SPTY2D1: variants seen among roughly 807,000 people sequenced by gnomAD.
SPTY2D1 encodes protein SPT2 homolog.
A neutral mutation model predicts 64.0 loss-of-function variants in SPTY2D1; 21 were observed. The observed-to-expected ratio is 0.33, with a 90% CI of 0.23 to 0.47. The LOEUF is 0.47. SPTY2D1 is among the 20% of genes least tolerant of loss of function. SPTY2D1 has a pLI of 1.00. For missense variants in SPTY2D1, 724 were observed against 837.2 expected (o/e 0.86, Z 1.67); for synonymous variants, 287 against 286.8 (o/e 1.00, Z -0.01).
Position 18,615,646 on chromosome 11 carries a change from G to T in SPTY2D1, c.628C>A (p.Arg210=). 1.2e-6 allele frequency: 2 copies of T among 1,614,154 alleles called. No individual in the cohort carries two copies. Among genetic ancestry groups the T allele is most frequent in the East Asian group, 2.2e-5 (1 of 44,882 alleles). The part of the protein sequence containing the change: ...EELREREFLE[R]KHRRKKLETD... ...TCAAGTTTTTTTCTCCTATGCTTTCGTTCAAGGAATTCTCGCTCCCTAAGT... is the reference window on the plus strand; with the variant it reads ...TCAAGTTTTTTTCTCCTATGCTTTCTTTCAAGGAATTCTCGCTCCCTAAGT... The change falls in exon 3 of 6, where the codon CGA becomes AGA. Residue 210 remains arginine (R), a synonymous_variant. Coordinates refer to ENST00000336349, the MANE Select transcript of SPTY2D1 (RefSeq NM_194285.3).
chr11:18,634,200 G>A lies in SPTY2D1; in HGVS notation c.58C>T (p.Pro20Ser). Residue 20 changes from proline (P) to serine (S), a missense_variant and splice_region_variant, in exon 1 of 6, where the codon CCG becomes TCG. Transcript: ENST00000336349. The stretch of plus-strand genomic sequence containing the variant: ...TTGATGCCCCAGCTGCTACTTACCG[G>A]CACATTGTTGACACCTTGTCCCTTG... Reference protein sequence around the residue: ...ASKGQGVNNVPKRYSLAVGPP... With the variant: ...ASKGQGVNNVSKRYSLAVGPP... 6.2e-7 allele frequency: 1 copy of A among 1,614,170 alleles called. No homozygotes were observed. Among genetic ancestry groups the A allele is most frequent in the Non-Finnish European group, 8.5e-7 (1 of 1,180,020 alleles).
chr11:18,624,091 G>A (rs1196784453), intron 1 of SPTY2D1, among the ~76,000 whole-genome samples: 1 of 151,860 alleles, frequency 6.6e-6, no homozygotes, highest in Non-Finnish European at 1.5e-5. Flanking sequence ...GAGCAGGCAA[G>A]ACCTTTCAAA....
Position 18,614,755 on chromosome 11 carries a change from T to C in SPTY2D1, c.1519A>G (p.Ser507Gly), listed in dbSNP as rs1854262056. The change falls in exon 3 of 6, where the codon AGT (serine) becomes GGT (glycine). Residue 507 changes from serine to glycine, a missense_variant. Coordinates refer to ENST00000336349, the MANE Select transcript of SPTY2D1 (RefSeq NM_194285.3). ...SGSIPAGRTVSNSVPGRPVSS... is the reference protein window; with the variant it reads ...SGSIPAGRTVGNSVPGRPVSS... ...ACTGGTCTTCCTGGGACTGAATTAC[T>C]GACAGTCCGTCCAGCTGGAATTGAG... 1 of 1,613,440 alleles carries C rather than the reference T, an allele frequency of 6.2e-7. No individual in the cohort carries two copies. The highest frequency in any genetic ancestry group is 8.5e-7 in the Non-Finnish European group (1 of 1,179,398).
chr11:18,610,009 C>T, intron 5 of SPTY2D1, 55 bp from the exon 6 acceptor site: 2 of 1,501,418 alleles, frequency 1.3e-6, no homozygotes, highest in South Asian at 1.2e-5. Context: ...GACCACTTTC[C>T]TTAAAAAGAA....
At chr11:18,610,686 A>AAAAAAAAAAAAAAAAAAAAAAAC (rs1554987436) in intron 5 of SPTY2D1, among the ~76,000 whole-genome samples, 16 of 147,288 alleles carry the variant, frequency 1.1e-4, no homozygotes, top group African/African-American at 3.8e-4. Context: ...AAAAAAAAAA[A>AAAAAAAAAAAAAAAAAAAAAAAC]AACAACAATA....
intron 1 of SPTY2D1, 140 bp from the exon 2 acceptor site, chr11:18,617,129 C>T: frequency 1.6e-6 from 1 of 627,518 alleles, no homozygotes. Context: ...TCATATAACC[C>T]ATAATAAAGC....
At chr11:18,616,686 G>A (rs1435537657) in intron 2 of SPTY2D1, among the ~76,000 whole-genome samples, 189 bp downstream of exon 2, 4 of 151,748 alleles carry the variant, frequency 2.6e-5, no homozygotes, top group Non-Finnish European at 1.5e-5. Flanking sequence ...TTATACAAAT[G>A]ATCGAGGTAA....
intron 1 of SPTY2D1, among the ~76,000 whole-genome samples, chr11:18,628,773 C>T (rs1414900680): frequency 1.3e-5 from 2 of 152,146 alleles, no homozygotes; most frequent in Non-Finnish European, 1.5e-5. Flanking sequence ...CATTATAGAT[C>T]AAACATTACC....
At chr11:18,617,487 G>A (rs1194967752) in intron 1 of SPTY2D1, among the ~76,000 whole-genome samples, 3 of 151,544 alleles carry the variant, frequency 2.0e-5, no homozygotes, top group Admixed American at 6.6e-5. Context: ...TTAGCTGGGC[G>A]TAGTGGCGGG....
At chr11:18,632,293 C>T (rs970835066) in intron 1 of SPTY2D1, among the ~76,000 whole-genome samples, 1 of 151,880 alleles carries the variant, frequency 6.6e-6, no homozygotes, top group African/African-American at 2.4e-5. Context: ...GGCTTACTAG[C>T]TTTGGCGGGG....
intron 1 of SPTY2D1, among the ~76,000 whole-genome samples, chr11:18,621,462 A>G (rs1167125113): frequency 6.6e-6 from 1 of 152,216 alleles, no homozygotes; most frequent in Non-Finnish European, 1.5e-5. Context: ...TTTGAAAAGA[A>G]TAACAAAGGC....
intron 1 of SPTY2D1, among the ~76,000 whole-genome samples, chr11:18,627,230 T>TA (rs1854512136): frequency 7.8e-6 from 1 of 127,580 alleles, no homozygotes; most frequent in African/African-American, 3.1e-5. Context: ...CTGGCCAGCA[T>TA]GATGAAACCC....
chr11:18,633,929 C>A (rs1854627578), intron 1 of SPTY2D1, among the ~76,000 whole-genome samples: 2 of 152,220 alleles, frequency 1.3e-5, no homozygotes, highest in Admixed American at 1.3e-4. Context: ...GGCTTTCACG[C>A]AATTCTAGCT....
At chr11:18,631,981 A>G (rs1365826830) in intron 1 of SPTY2D1, among the ~76,000 whole-genome samples, 2 of 152,100 alleles carry the variant, frequency 1.3e-5, no homozygotes, top group African/African-American at 4.8e-5. Context: ...CCCTGTCTCT[A>G]CCAAAAATAC....
chr11:18,619,464 A>C (rs1854355801), intron 1 of SPTY2D1, among the ~76,000 whole-genome samples: 1 of 151,600 alleles, frequency 6.6e-6, no homozygotes. Flanking sequence ...TTTAAAAAAA[A>C]AAAAAAAAAA....
chr11:18,631,670 C>T (rs949663633), intron 1 of SPTY2D1, among the ~76,000 whole-genome samples: 6 of 147,810 alleles, frequency 4.1e-5, no homozygotes, highest in African/African-American at 1.5e-4. Context: ...AGAAAAAAAG[C>T]TTTATTTCTT....
At chr11:18,628,303 T>C (rs2134118098) in intron 1 of SPTY2D1, among the ~76,000 whole-genome samples, 1 of 152,360 alleles carries the variant, frequency 6.6e-6, no homozygotes, top group East Asian at 1.9e-4. Flanking sequence ...TGAACATTTG[T>C]GTACAAGTTT....
chr11:18,614,401 G>A (rs1267170197), intron 3 of SPTY2D1, among the ~76,000 whole-genome samples, 162 bp downstream of exon 3: 2 of 152,074 alleles, frequency 1.3e-5, no homozygotes, highest in Admixed American at 6.6e-5. Flanking sequence ...AAAAAACAAG[G>A]AACTCTCAAC....
chr11:18,609,272 C>T lies in SPTY2D1; in HGVS notation c.*589G>A, dbSNP rs940201972. ...TTAATGAGTAAGAATGCTCAGCATC[C>T]AATCCATGAATACAGAATTTATTCT... On this transcript the variant is annotated 3_prime_UTR_variant, in exon 6 of 6. Transcript: ENST00000336349. 6.5e-6 allele frequency: 1 copy of T among 152,740 alleles called. No individual in the cohort carries two copies. Among genetic ancestry groups the T allele is most frequent in the South Asian group, 2.1e-4 (1 of 4,850 alleles). The allele number at this position is 152,740 out of a possible 1,614,324, so 9.5% of individuals were successfully genotyped here. A position where few individuals can be genotyped will look rare whatever the true frequency, so the allele number is the denominator to read the frequency against.
Sources: allele counts gnomAD v4.1 joint callset (sites outside exome capture counted in the v4.1 genomes callset), GRCh38; gene constraint gnomAD v4.1.1; transcripts MANE v1.5; gene names NCBI Gene and HGNC (gene_info 2026-07-23, HGNC 2026-07-21).